The following CNTNAP3 variants were observed in gnomAD, a reference collection of about 807,000 sequenced individuals.
The protein encoded by CNTNAP3 is contactin-associated protein-like 3.
CNTNAP3 carries 36 observed loss-of-function variants against 92.1 expected under a neutral mutation model. The observed-to-expected ratio is 0.39, with a 90% CI of 0.30 to 0.52. CNTNAP3 has a LOEUF of 0.52. CNTNAP3 is among the 20% of genes least tolerant of loss of function. The pLI, the probability that CNTNAP3 is intolerant of heterozygous loss-of-function variation, is 0.76. For synonymous variants in CNTNAP3, 232 were observed against 422.3 expected (o/e 0.55, Z 5.53); for missense variants, 534 against 1,069.6 (o/e 0.50, Z 6.98).
intron 20 of CNTNAP3, 131 bp from the exon 21 acceptor site, chr9:39,085,954 C>A: frequency 1.1e-6 from 1 of 881,708 alleles, no homozygotes; most frequent in Non-Finnish European, 1.8e-6. Flanking sequence ...GCTCAAGAAG[C>A]CACCTTCAAA....
Position 39,102,567 on chromosome 9 carries a change from A to T in CNTNAP3, c.2685T>A (p.Leu895=), listed in dbSNP as rs758842482. The change falls in exon 17 of 24, where the codon CTT becomes CTA. Residue 895 remains leucine (L), a synonymous_variant. Transcript: ENST00000297668. ...CAGGGGCAGGCTGCATCTTCTGAGG[A>T]AGCTGATCAACTTGAAGAGACGCTC... ...VKGASLQVDQ[L]PQKMQPAPAD... is the part of the protein sequence containing the mutation. 7 of 1,495,010 alleles carry T rather than the reference A, an allele frequency of 4.7e-6. No homozygotes were observed. The East Asian group carries it at 1.7e-4, about 36-fold the overall frequency. 92.6% of individuals were successfully genotyped at this position (1,495,010 alleles called of 1,614,324 possible). A position where few individuals can be genotyped will look rare whatever the true frequency, so the allele number is the denominator to read the frequency against.
rs1464278306 is a variant in CNTNAP3, at chr9:39,072,104, G to A, written c.*1786C>T. Among the ~76,000 whole-genome samples, 6 of 109,542 alleles carry A rather than the reference G, an allele frequency of 5.5e-5. No individual in the cohort carries two copies. Among genetic ancestry groups the A allele is most frequent in the Admixed American group, 4.5e-4 (5 of 11,008 alleles). 71.9% of individuals were successfully genotyped at this position (109,542 alleles called of 152,430 possible). ...CAATGCAATTTGATGCATCCGTTTC[G>A]CTGTCTTGCAAAAGGTGCAGTGACC... On this transcript the variant is annotated 3_prime_UTR_variant, in exon 24 of 24. Transcript: ENST00000297668.
intron 13 of CNTNAP3, among the ~76,000 whole-genome samples, chr9:39,122,543 AAAAT>A (rs1821054798): frequency 6.6e-6 from 1 of 152,258 alleles, no homozygotes; most frequent in Non-Finnish European, 1.5e-5. Context: ...GGAAGAAAGA[AAAAT>A]AAAATAACCT....
At chr9:39,109,708 G>A (rs1413392403) in intron 14 of CNTNAP3, among the ~76,000 whole-genome samples, 1 of 152,120 alleles carries the variant, frequency 6.6e-6, no homozygotes, top group Admixed American at 6.6e-5. Context: ...TCACTGCCAT[G>A]CAAAAATAGA....
At chr9:39,107,770 C>T (rs1474182068) in intron 15 of CNTNAP3, among the ~76,000 whole-genome samples, 2 of 152,176 alleles carry the variant, frequency 1.3e-5, no homozygotes, top group African/African-American at 4.8e-5. Context: ...AACAAGTCAA[C>T]AGTCCCAGAT....
intron 23 of CNTNAP3, among the ~76,000 whole-genome samples, chr9:39,076,910 T>C (rs1825786654): frequency 1.3e-5 from 2 of 152,302 alleles, no homozygotes; most frequent in Non-Finnish European, 2.9e-5. Context: ...TGAGCCAAGA[T>C]GGCGCCACTG....
At chr9:39,087,348 GA>G (rs1826083378) in intron 19 of CNTNAP3, among the ~76,000 whole-genome samples, 1 of 152,288 alleles carries the variant, frequency 6.6e-6, no homozygotes. Context: ...ATGAGGACAA[GA>G]AAAGGTTTTG....
intron 14 of CNTNAP3, among the ~76,000 whole-genome samples, chr9:39,116,432 G>C (rs542171434): frequency 1.3e-3 from 195 of 152,122 alleles, no homozygotes; most frequent in African/African-American, 4.5e-3. Context: ...GTCGCTGTTT[G>C]TCTCATTAGA....
At chr9:39,139,175 C>G (rs1056730488) in intron 12 of CNTNAP3, among the ~76,000 whole-genome samples, 2 of 152,096 alleles carry the variant, frequency 1.3e-5, no homozygotes, top group African/African-American at 4.8e-5. Context: ...ATTCCCCTAT[C>G]ATTAGCTAGA....
chr9:39,083,895 G>T (rs1011817370), intron 21 of CNTNAP3, among the ~76,000 whole-genome samples: 2 of 151,760 alleles, frequency 1.3e-5, no homozygotes, highest in African/African-American at 4.8e-5. Context: ...AATTGATCTT[G>T]TGATAATCAA....
In CNTNAP3 at chr9:39,170,335, G is replaced by C. The variant is rs969114793; in HGVS notation, c.1333+1034C>G. On this transcript the variant is annotated intron_variant, in intron 8 of 23. Transcript: ENST00000297668. ...CACGTGTGCCTCTTACAGCCAAAAG[G>C]AATCTTTTTTTGAGTATGATTACCC... Among the ~76,000 whole-genome samples, 4 of 75,308 alleles carry C rather than the reference G, an allele frequency of 5.3e-5. No individual in the cohort carries two copies. The East Asian group carries it at 1.1e-3, about 21-fold the overall frequency. The allele number at this position is 75,308 out of a possible 152,430, so 49.4% of individuals were successfully genotyped here. A position where few individuals can be genotyped will look rare whatever the true frequency, so the allele number is the denominator to read the frequency against.
At chr9:39,158,255 G>A (rs150486108) in intron 9 of CNTNAP3, among the ~76,000 whole-genome samples, 1 of 142,134 alleles carries the variant, frequency 7.0e-6, no homozygotes, top group South Asian at 2.2e-4. Flanking sequence ...CTCCATAAAG[G>A]GTGGTCTATT....
At chr9:39,112,547 G>T (rs1820732644) in intron 14 of CNTNAP3, among the ~76,000 whole-genome samples, 1 of 152,006 alleles carries the variant, frequency 6.6e-6, no homozygotes, top group Non-Finnish European at 1.5e-5. Context: ...TGTATTTTTA[G>T]TATAGACGGG....
rs1166682255 is a variant in CNTNAP3, at chr9:39,065,799, T to G, written c.*8091A>C. 5.3e-5 allele frequency among the ~76,000 whole-genome samples: 8 copies of G among 152,330 alleles called. No homozygotes were observed. The South Asian group carries it at 1.7e-3, about 32-fold the overall frequency. ...TTTTTTCTTATATTCATTATTTTCA[T>G]TTTATTTTTGCTAATTATTGAGTTG... On this transcript the variant is annotated 3_prime_UTR_variant, in exon 24 of 24. Coordinates refer to ENST00000297668, the MANE Select transcript of CNTNAP3 (RefSeq NM_033655.5).
At chr9:39,095,795 T>C (rs11790416) in intron 18 of CNTNAP3, among the ~76,000 whole-genome samples, 18,483 of 125,902 alleles carry the variant, frequency 0.15, 1,626 homozygotes, top group East Asian at 0.27. Flanking sequence ...CAGGTTTACA[T>C]TAACTTAATA....
intron 13 of CNTNAP3, among the ~76,000 whole-genome samples, chr9:39,128,691 A>C (rs530117358): frequency 6.6e-6 from 1 of 152,202 alleles, no homozygotes; most frequent in East Asian, 1.9e-4. Flanking sequence ...CAATAAAGCA[A>C]GAAAAATAAA....
In CNTNAP3 at chr9:39,081,938, T is replaced by A. The variant is rs766742397; in HGVS notation, c.3443-3018A>T. Among the ~76,000 whole-genome samples, 746 of 148,536 alleles carry A rather than the reference T, an allele frequency of 5.0e-3. 1 individual carries two copies. Among genetic ancestry groups the A allele is most frequent in the Non-Finnish European group, 8.4e-3 (569 of 67,528 alleles). On this transcript the variant is annotated intron_variant, in intron 21 of 23. Transcript: ENST00000297668. ...CTAAAAATACAAAAAAAAAAAAAAA[T>A]TAGCCGGGCATGGTGGTGGGTGCCT...
intron 15 of CNTNAP3, chr9:39,106,411 C>T (rs954636067): frequency 1.3e-5 from 2 of 152,160 alleles, no homozygotes; most frequent in African/African-American, 4.8e-5. Context: ...TCACCTAAGC[C>T]TTCCTAGTTG....
chr9:39,074,990 G>C (rs532415684), intron 23 of CNTNAP3, among the ~76,000 whole-genome samples: 8 of 152,302 alleles, frequency 5.3e-5, no homozygotes, highest in South Asian at 4.1e-4. Flanking sequence ...GGATGGTCTC[G>C]ATCTCCTGAC....
Sources: gnomAD v4.1 joint callset for allele counts (sites outside exome capture counted in the v4.1 genomes callset) on GRCh38, gnomAD v4.1.1 for gene constraint, MANE v1.5 for transcripts, NCBI Gene and HGNC (gene_info 2026-07-23, HGNC 2026-07-21) for gene names.